Variants in MINDY2 observed in about 807,000 individuals in gnomAD.
MINDY2 encodes the protein MINDY lysine 48 deubiquitinase 2, also known as ubiquitin carboxyl-terminal hydrolase MINDY-2.
A neutral mutation model predicts 68.2 loss-of-function variants in MINDY2; 52 were observed. The observed-to-expected ratio is 0.76, with a 90% CI of 0.61 to 0.96. The LOEUF (loss-of-function observed/expected upper bound fraction) is 0.96. Ranked by LOEUF, MINDY2 falls within the 40% of genes least tolerant of loss-of-function variation. MINDY2 has a pLI of 0.00. For synonymous variants in MINDY2, 372 were observed against 303.0 expected (o/e 1.23, Z -2.36); for missense variants, 881 against 773.4 (o/e 1.14, Z -1.65).
chr15:58,809,038 C>T (rs1052164152), intron 3 of MINDY2, among the ~76,000 whole-genome samples: 2 of 152,140 alleles, frequency 1.3e-5, no homozygotes, highest in African/African-American at 2.4e-5. Flanking sequence ...TAGTGAGACC[C>T]CGTCTCTACA....
At chr15:58,784,890 C>T (rs1289776853) in intron 1 of MINDY2, among the ~76,000 whole-genome samples, 1 of 151,806 alleles carries the variant, frequency 6.6e-6, no homozygotes, top group Non-Finnish European at 1.5e-5. Flanking sequence ...TCACTTCAGC[C>T]TCCCAAAGTG....
At chr15:58,803,843 T>C (rs1378695761) in intron 3 of MINDY2, among the ~76,000 whole-genome samples, 1 of 144,824 alleles carries the variant, frequency 6.9e-6, no homozygotes, top group African/African-American at 2.6e-5. Context: ...GCGTGGTGGC[T>C]CACGCCTGTA....
chr15:58,812,928 G>A (rs1344023702), intron 4 of MINDY2, among the ~76,000 whole-genome samples: 2 of 152,002 alleles, frequency 1.3e-5, no homozygotes, highest in South Asian at 2.1e-4. Context: ...CAAGAATCCC[G>A]CCTGATGCCC....
chr15:58,812,066 G>C (rs749419676), intron 4 of MINDY2, among the ~76,000 whole-genome samples: 1 of 152,176 alleles, frequency 6.6e-6, no homozygotes, highest in Non-Finnish European at 1.5e-5. Context: ...TTTATGGTAT[G>C]AGGTGAGAAT....
chr15:58,802,986 G>C (rs551042228), intron 3 of MINDY2, among the ~76,000 whole-genome samples: 2 of 152,308 alleles, frequency 1.3e-5, no homozygotes, highest in South Asian at 2.1e-4. Flanking sequence ...TGGCTTCTTA[G>C]AGTGGAAGGA....
chr15:58,829,016 A>G (rs1259829633), intron 5 of MINDY2, among the ~76,000 whole-genome samples: 1 of 152,176 alleles, frequency 6.6e-6, no homozygotes, highest in African/African-American at 2.4e-5. Context: ...TTTAATGTGA[A>G]TGTTGTAATA....
intron 1 of MINDY2, among the ~76,000 whole-genome samples, chr15:58,781,032 A>G (rs775791907): frequency 6.6e-6 from 1 of 152,030 alleles, no homozygotes; most frequent in African/African-American, 2.4e-5. Flanking sequence ...TTCTGAATGG[A>G]AGATGCCTTC....
intron 5 of MINDY2, among the ~76,000 whole-genome samples, chr15:58,824,582 A>G (rs892722063): frequency 6.6e-6 from 1 of 152,122 alleles, no homozygotes; most frequent in African/African-American, 2.4e-5. Context: ...GGTTACTTGT[A>G]TAAGACACTA....
chr15:58,828,869 G>A (rs2141014781), intron 5 of MINDY2, among the ~76,000 whole-genome samples: 1 of 152,056 alleles, frequency 6.6e-6, no homozygotes, highest in South Asian at 2.1e-4. Context: ...ATTTCTGAAT[G>A]TAAGAAATAT....
At chr15:58,793,189 C>T (rs1264050061) in intron 2 of MINDY2, among the ~76,000 whole-genome samples, 3 of 152,140 alleles carry the variant, frequency 2.0e-5, no homozygotes, top group Admixed American at 6.6e-5. Context: ...CAGTGGCTCA[C>T]GCCGTAATCC....
At chr15:58,822,916 TAAA>T (rs1288493175) in intron 5 of MINDY2, among the ~76,000 whole-genome samples, 1 of 152,258 alleles carries the variant, frequency 6.6e-6, no homozygotes, top group East Asian at 1.9e-4. Context: ...TAAGATATAA[TAAA>T]AGTTTATTAC....
intron 4 of MINDY2, among the ~76,000 whole-genome samples, chr15:58,813,451 G>A (rs563859859): frequency 3.9e-5 from 6 of 152,284 alleles, no homozygotes; most frequent in Non-Finnish European, 7.4e-5. Context: ...AGCCAAGATC[G>A]TGCCACTTCT....
intron 5 of MINDY2, among the ~76,000 whole-genome samples, chr15:58,824,759 C>G (rs1247239845): frequency 6.7e-6 from 1 of 149,214 alleles, no homozygotes; most frequent in African/African-American, 2.5e-5. Flanking sequence ...AACCTCTGCC[C>G]CATGGATTCA....
chr15:58,799,296 G>A lies in MINDY2; in HGVS notation c.899-3017G>A, dbSNP rs1254196820. On this transcript the variant is annotated intron_variant, in intron 2 of 8. Coordinates refer to ENST00000559228, the MANE Select transcript of MINDY2 (RefSeq NM_001040450.3). ...TTAAAAAGCAAACACGGCTGGGCGC[G>A]GTGGCTCACGCCTGTAATCCCAGCA... is the stretch of plus-strand genomic sequence containing the variant. Among the ~76,000 whole-genome samples, 9 of 152,180 alleles carry A rather than the reference G, an allele frequency of 5.9e-5. No homozygotes were observed. In the South Asian group the frequency reaches 1.2e-3, roughly 21 times the overall value.
At chr15:58,795,393 G>T (rs1486543393) in intron 2 of MINDY2, among the ~76,000 whole-genome samples, 1 of 151,836 alleles carries the variant, frequency 6.6e-6, no homozygotes, top group Non-Finnish European at 1.5e-5. Flanking sequence ...TAGATATATA[G>T]TATGTGTTAT....
At chr15:58,779,854 C>G (rs1246590799) in intron 1 of MINDY2, among the ~76,000 whole-genome samples, 1 of 152,168 alleles carries the variant, frequency 6.6e-6, no homozygotes, top group Admixed American at 6.5e-5. Flanking sequence ...TTCTTCTCCC[C>G]TTGGTATGAG....
At chr15:58,803,589 G>A (rs1288344190) in intron 3 of MINDY2, among the ~76,000 whole-genome samples, 1 of 152,178 alleles carries the variant, frequency 6.6e-6, no homozygotes, top group Admixed American at 6.5e-5. Flanking sequence ...GGCCAAGGTG[G>A]ATGGGTCACT....
intron 4 of MINDY2, among the ~76,000 whole-genome samples, chr15:58,817,916 T>C (rs2030804709): frequency 6.6e-6 from 1 of 152,138 alleles, no homozygotes; most frequent in African/African-American, 2.4e-5. Context: ...ACACTCTTGA[T>C]GAGTGAAAGA....
At chr15:58,832,228 C>CT (rs568639158) in intron 6 of MINDY2, among the ~76,000 whole-genome samples, 29,709 of 139,894 alleles carry the variant, frequency 0.21, 3,451 homozygotes, top group East Asian at 0.55. Context: ...AGGATGACTT[C>CT]TTTTTTTTTT....
Sources: gnomAD v4.1 joint callset for allele counts (sites outside exome capture counted in the v4.1 genomes callset) on GRCh38, gnomAD v4.1.1 for gene constraint, MANE v1.5 for transcripts, NCBI Gene and HGNC (gene_info 2026-07-23, HGNC 2026-07-21) for gene names.